GRM8: variants seen among roughly 807,000 people sequenced by gnomAD.
GRM8 encodes the protein metabotropic glutamate receptor 8.
GRM8 carries 47 observed loss-of-function variants against 87.2 expected under a neutral mutation model. That is an observed-to-expected ratio of 0.54 (90% CI 0.43 to 0.69). GRM8 has a LOEUF of 0.69. GRM8 is among the 30% of genes least tolerant of loss of function. GRM8 has a pLI of 0.00. For synonymous variants in GRM8, 396 were observed against 404.5 expected (o/e 0.98, Z 0.25); for missense variants, 1,019 against 1,139.2 (o/e 0.89, Z 1.52).
At chr7:127,241,521 C>T (rs1216048897) in intron 2 of GRM8, among the ~76,000 whole-genome samples, 2 of 151,590 alleles carry the variant, frequency 1.3e-5, no homozygotes, top group African/African-American at 2.4e-5. Context: ...GCAACCTCCA[C>T]CTCCCAGGTT....
In GRM8 at chr7:127,246,555, A is replaced by G. The variant is rs537424197; in HGVS notation, c.-311-3040T>C. ...TGGAACCCTTTGGGGAGGCTTAACCATGAACCCTCATAGCCCTTCCTGTGC... is the reference window on the plus strand; with the variant it reads ...TGGAACCCTTTGGGGAGGCTTAACCGTGAACCCTCATAGCCCTTCCTGTGC... On this transcript the variant is annotated intron_variant, in intron 1 of 10. Transcript: ENST00000339582. Among the ~76,000 whole-genome samples the G allele has an allele frequency of 2.6e-5, 4 of 152,214 alleles. No homozygotes were observed. In the South Asian group the frequency reaches 8.3e-4, roughly 32 times the overall value.
intron 10 of GRM8, among the ~76,000 whole-genome samples, chr7:126,440,062 T>C (rs1001935494): frequency 2.0e-5 from 3 of 151,854 alleles, no homozygotes. Context: ...AAATAGTATA[T>C]ATTGAAAAAG....
chr7:126,581,428 C>T (rs912362378), intron 8 of GRM8, among the ~76,000 whole-genome samples: 2 of 152,012 alleles, frequency 1.3e-5, no homozygotes, highest in Non-Finnish European at 2.9e-5. Flanking sequence ...GAAAGCTTAA[C>T]GTACAAATTT....
chr7:126,819,685 C>T (rs1289694879), intron 6 of GRM8, among the ~76,000 whole-genome samples: 1 of 151,718 alleles, frequency 6.6e-6, no homozygotes, highest in African/African-American at 2.4e-5. Flanking sequence ...TGAGTAAGAC[C>T]TTAGCTCGTT....
At chr7:126,477,324 A>T (rs768367511) in intron 9 of GRM8, among the ~76,000 whole-genome samples, 1 of 152,070 alleles carries the variant, frequency 6.6e-6, no homozygotes, top group Non-Finnish European at 1.5e-5. Flanking sequence ...ATGTGGCAGC[A>T]TGGTGACTGT....
intron 8 of GRM8, among the ~76,000 whole-genome samples, chr7:126,573,453 T>C (rs183681438): frequency 1.7e-4 from 26 of 152,264 alleles, no homozygotes; most frequent in African/African-American, 6.0e-4. Context: ...AGTATACTTT[T>C]CTGGGGCCAC....
At chr7:126,800,233 T>A (rs1379893995) in intron 6 of GRM8, among the ~76,000 whole-genome samples, 1 of 152,118 alleles carries the variant, frequency 6.6e-6, no homozygotes, top group Admixed American at 6.5e-5. Context: ...CATCATATCC[T>A]AATGCATTGC....
At chr7:127,188,244 C>A (rs1018259874) in intron 2 of GRM8, among the ~76,000 whole-genome samples, 1 of 152,146 alleles carries the variant, frequency 6.6e-6, no homozygotes, top group South Asian at 2.1e-4. Flanking sequence ...TAATACATGG[C>A]CCAAGTCATA....
At chr7:127,199,946 G>T (rs1460238547) in intron 2 of GRM8, among the ~76,000 whole-genome samples, 1 of 152,170 alleles carries the variant, frequency 6.6e-6, no homozygotes, top group Non-Finnish European at 1.5e-5. Flanking sequence ...CAAATAACCA[G>T]CAGTGCTTTA....
chr7:127,179,851 G>C (rs1211572169), intron 2 of GRM8, among the ~76,000 whole-genome samples: 1 of 152,038 alleles, frequency 6.6e-6, no homozygotes, highest in Admixed American at 6.6e-5. Context: ...AGCAAAGGCG[G>C]TGCTAAGAGG....
At chr7:126,824,025 A>G (rs1038175381) in intron 6 of GRM8, among the ~76,000 whole-genome samples, 1 of 152,224 alleles carries the variant, frequency 6.6e-6, no homozygotes, top group Non-Finnish European at 1.5e-5. Flanking sequence ...CTGTATTTGC[A>G]TAAAAATAAC....
intron 8 of GRM8, among the ~76,000 whole-genome samples, chr7:126,572,059 A>G (rs978913617): frequency 6.6e-6 from 1 of 152,144 alleles, no homozygotes. Flanking sequence ...GTCTTAAACC[A>G]TGTACCACCA....
chr7:126,746,014 C>G (rs3808150), intron 7 of GRM8, among the ~76,000 whole-genome samples: 46,197 of 151,310 alleles, frequency 0.31, 8,543 homozygotes, highest in Middle Eastern at 0.46. Flanking sequence ...CTAAAGAAAG[C>G]TAAGAGAATA....
intron 2 of GRM8, among the ~76,000 whole-genome samples, chr7:127,165,155 T>C (rs1414657576): frequency 4.0e-5 from 2 of 50,580 alleles, no homozygotes; most frequent in Admixed American, 1.6e-4. Context: ...TATATATATA[T>C]ATATATATAT....
chr7:126,814,923 G>A (rs1793641746), intron 6 of GRM8, among the ~76,000 whole-genome samples: 1 of 151,794 alleles, frequency 6.6e-6, no homozygotes. Context: ...TACCTACATG[G>A]ACAAATGACT....
At chr7:126,566,343 A>G (rs1585071991) in intron 8 of GRM8, among the ~76,000 whole-genome samples, 1 of 152,230 alleles carries the variant, frequency 6.6e-6, no homozygotes, top group East Asian at 1.9e-4. Context: ...AAACTAACCC[A>G]ACTTAAAATA....
intron 7 of GRM8, among the ~76,000 whole-genome samples, chr7:126,726,695 CT>C (rs1477169966): frequency 5.3e-5 from 8 of 152,204 alleles, no homozygotes; most frequent in Middle Eastern, 3.4e-3. Flanking sequence ...GTATCTGCCC[CT>C]ATCTCCCAGA....
At chr7:127,132,728 C>T (rs1827754112) in intron 2 of GRM8, among the ~76,000 whole-genome samples, 1 of 151,990 alleles carries the variant, frequency 6.6e-6, no homozygotes, top group African/African-American at 2.4e-5. Flanking sequence ...AAGAGGTTTC[C>T]AAGCAGGGGA....
At chr7:126,643,239 T>A (rs1802602279) in intron 7 of GRM8, among the ~76,000 whole-genome samples, 1 of 137,158 alleles carries the variant, frequency 7.3e-6, no homozygotes, top group South Asian at 2.3e-4. Context: ...TTCAGTGAGC[T>A]GAGATTGTGC....
Sources: gnomAD v4.1 joint callset for allele counts (sites outside exome capture counted in the v4.1 genomes callset) on GRCh38, gnomAD v4.1.1 for gene constraint, MANE v1.5 for transcripts, NCBI Gene and HGNC (gene_info 2026-07-23, HGNC 2026-07-21) for gene names.